The following CEP162 variants were observed in gnomAD, a reference collection of about 807,000 sequenced individuals.
CEP162 encodes the protein centrosomal protein of 162 kDa.
In CEP162, 141 loss-of-function variants were observed where a neutral mutation model predicts 169.2. The observed-to-expected ratio is 0.83, with a 90% CI of 0.73 to 0.96. The LOEUF (loss-of-function observed/expected upper bound fraction) is 0.96. Ranked by LOEUF, CEP162 falls within the 40% of genes least tolerant of loss-of-function variation. CEP162 has a pLI of 0.00. For synonymous variants in CEP162, 540 were observed against 526.4 expected, an observed-to-expected ratio of 1.03 and a Z score of -0.35; for missense variants, 1,600 against 1,587.2, an observed-to-expected ratio of 1.01 and a Z score of -0.14.
chr6:84,212,508 TAGGGCAAC>T (rs1345758308), intron 6 of CEP162, among the ~76,000 whole-genome samples: 68 of 151,722 alleles, frequency 4.5e-4, no homozygotes, highest in Non-Finnish European at 3.5e-4. Context: ...TTGTGACTCA[TAGGGCAAC>T]TAAGAAAAAA....
intron 13 of CEP162, among the ~76,000 whole-genome samples, chr6:84,177,316 C>T (rs1313286469): frequency 3.9e-5 from 6 of 152,310 alleles, no homozygotes; most frequent in Admixed American, 3.9e-4. Context: ...CCCTGTACCC[C>T]ACCACTATAT....
intron 11 of CEP162, among the ~76,000 whole-genome samples, chr6:84,190,614 A>G (rs905978779): frequency 1.3e-5 from 2 of 151,770 alleles, no homozygotes; most frequent in East Asian, 1.9e-4. Context: ...GAGCTGTAAC[A>G]CTCACTGCGA....
chr6:84,201,014 C>T (rs1442531884), intron 8 of CEP162, 109 bp from the exon 9 acceptor site: 2 of 570,840 alleles, frequency 3.5e-6, no homozygotes, highest in South Asian at 4.4e-5. Context: ...CGCGGTGGCT[C>T]ACGCCTGTAA....
chr6:84,151,918 A>T (rs2099521269), intron 23 of CEP162, among the ~76,000 whole-genome samples: 1 of 152,270 alleles, frequency 6.6e-6, no homozygotes, highest in South Asian at 2.1e-4. Flanking sequence ...GAAGTGAGAT[A>T]GAAATAAAAG....
chr6:84,146,857 C>A, intron 24 of CEP162, 72 bp from the exon 25 acceptor site: 1 of 774,560 alleles, frequency 1.3e-6, no homozygotes, highest in Non-Finnish European at 2.1e-6. Flanking sequence ...ATAAGAAAGC[C>A]AACTCACAAA....
rs1283674105 is a variant in CEP162, at chr6:84,206,916, G to A, written c.572-2820C>T. Among the ~76,000 whole-genome samples, 3 of 152,312 alleles carry A rather than the reference G, an allele frequency of 2.0e-5. No individual in the cohort carries two copies. The East Asian group carries it at 5.8e-4, about 29-fold the overall frequency. On this transcript the variant is annotated intron_variant, in intron 6 of 26. Coordinates refer to ENST00000403245, the MANE Select transcript of CEP162 (RefSeq NM_014895.4). ...CCACCAAAAAGTGGGCAAAGGATAT[G>A]AATAGATACTTCTCAAAAGAAGACA...
intron 2 of CEP162, 39 bp downstream of exon 2, chr6:84,226,298 A>G (rs930191693): frequency 2.2e-6 from 3 of 1,347,114 alleles, no homozygotes; most frequent in Non-Finnish European, 3.1e-6. Flanking sequence ...GTCTTTTGAG[A>G]CAAATTTGAC....
intron 25 of CEP162, among the ~76,000 whole-genome samples, chr6:84,146,388 C>T (rs1490810327): frequency 6.6e-6 from 1 of 152,066 alleles, no homozygotes; most frequent in Non-Finnish European, 1.5e-5. Context: ...AAATGGACTT[C>T]ACTATTCAAT....
intron 18 of CEP162, among the ~76,000 whole-genome samples, chr6:84,165,092 G>T (rs1205483404): frequency 6.6e-6 from 1 of 151,542 alleles, no homozygotes; most frequent in Non-Finnish European, 1.5e-5. Context: ...GCAGTGCTTT[G>T]GGACCCAGAT....
chr6:84,155,211 T>C (rs1256160726), intron 22 of CEP162, 87 bp downstream of exon 22: 1 of 989,570 alleles, frequency 1.0e-6, no homozygotes, highest in Non-Finnish European at 1.5e-6. Flanking sequence ...AGAATGTTTA[T>C]AGCTATTTGT....
Position 84,153,057 on chromosome 6 carries a change from C to T in CEP162, c.3117G>A (p.Gln1039=). The change falls in exon 23 of 27, where the codon CAG becomes CAA. Residue 1039 remains glutamine (Q), a synonymous_variant. Transcript: ENST00000403245. ...KELDDIKEAH[Q]ITVRNLEAEI... ...CGGCTTCAAGGTTTCTTACAGTGAT[C>T]TGATGGGCTTCCTTGATGTCATCAA... 1 of 1,613,488 alleles carries T rather than the reference C, an allele frequency of 6.2e-7. No homozygotes were observed. The highest frequency in any genetic ancestry group is 8.5e-7 in the Non-Finnish European group (1 of 1,179,716).
At chr6:84,182,165 T>C (rs1362589619) in intron 13 of CEP162, among the ~76,000 whole-genome samples, 1 of 152,072 alleles carries the variant, frequency 6.6e-6, no homozygotes, top group Non-Finnish European at 1.5e-5. Context: ...CGTCCATTCA[T>C]TCACATTTCC....
intron 2 of CEP162, among the ~76,000 whole-genome samples, chr6:84,226,048 T>TG (rs199901815): frequency 6.5e-4 from 98 of 149,884 alleles, no homozygotes; most frequent in African/African-American, 2.4e-3. Flanking sequence ...GTTGTTTGTT[T>TG]TTTTTTTTCT....
rs1237274199 is a variant in CEP162, at chr6:84,147,322, G to A, written c.3772-537C>T. Among the ~76,000 whole-genome samples the A allele has an allele frequency of 4.6e-5, 7 of 152,218 alleles. 1 individual carries two copies. On this transcript the variant is annotated intron_variant, in intron 24 of 26. Transcript: ENST00000403245. ...ACAGAGAATAGAACAATAGATACCA[G>A]AGATGGGAGTGGGGGGTTGGGAAGG...
At chr6:84,217,221 G>C (rs1161927294) in intron 3 of CEP162, among the ~76,000 whole-genome samples, 2 of 152,078 alleles carry the variant, frequency 1.3e-5, no homozygotes, top group Non-Finnish European at 2.9e-5. Context: ...TTTGAGGCAG[G>C]CAATAAGTAA....
chr6:84,200,958 T>G, intron 8 of CEP162, 53 bp from the exon 9 acceptor site: 7 of 1,097,820 alleles, frequency 6.4e-6, no homozygotes, highest in Non-Finnish European at 9.7e-6. Context: ...TCAGTGGTTC[T>G]GTTGATCTAA....
intron 13 of CEP162, among the ~76,000 whole-genome samples, chr6:84,179,278 CA>C (rs201932144): frequency 0.038 from 5,743 of 152,268 alleles, 163 homozygotes; most frequent in Admixed American, 0.091. Context: ...CTCCTACCAA[CA>C]GTGTAAAAGT....
intron 25 of CEP162, among the ~76,000 whole-genome samples, chr6:84,127,933 TAGTC>T (rs945753937): frequency 7.2e-5 from 11 of 152,224 alleles, no homozygotes; most frequent in African/African-American, 1.9e-4. Context: ...GGGTAAGTAG[TAGTC>T]AGTCATTATA....
chr6:84,159,525 A>T (rs868210533), intron 21 of CEP162, among the ~76,000 whole-genome samples: 380 of 24,688 alleles, frequency 0.015, 7 homozygotes, highest in African/African-American at 0.054. Flanking sequence ...TTAATTATTT[A>T]TATATATATA....
Sources: gnomAD v4.1 joint callset for allele counts (sites outside exome capture counted in the v4.1 genomes callset) on GRCh38, gnomAD v4.1.1 for gene constraint, MANE v1.5 for transcripts, NCBI Gene and HGNC (gene_info 2026-07-23, HGNC 2026-07-21) for gene names.